Variants in TAFA1 observed in about 807,000 individuals in gnomAD.
TAFA1 encodes chemokine-like protein TAFA-1.
Under a neutral mutation model 18.5 loss-of-function variants are expected in TAFA1, and 4 were observed. The observed-to-expected ratio is 0.22, with a 90% CI of 0.11 to 0.49. The LOEUF (loss-of-function observed/expected upper bound fraction) is 0.49. Ranked by LOEUF, TAFA1 falls within the 20% of genes least tolerant of loss-of-function variation. TAFA1 has a pLI of 0.98. For synonymous variants in TAFA1, 56 were observed against 55.2 expected, an observed-to-expected ratio of 1.01 and a Z score of -0.06; for missense variants, 147 against 169.0, an observed-to-expected ratio of 0.87 and a Z score of 0.72.
At chr3:68,082,587 G>T (rs2064918801) in intron 2 of TAFA1, among the ~76,000 whole-genome samples, 1 of 152,192 alleles carries the variant, frequency 6.6e-6, no homozygotes, top group African/African-American at 2.4e-5. Context: ...TATTTTGGTT[G>T]TTTGAGCACT....
intron 2 of TAFA1, among the ~76,000 whole-genome samples, chr3:68,177,076 G>T (rs534976004): frequency 6.6e-6 from 1 of 152,194 alleles, no homozygotes; most frequent in Non-Finnish European, 1.5e-5. Flanking sequence ...AACTCAGATG[G>T]TGTCAACTGT....
upstream of TAFA1, among the ~76,000 whole-genome samples, chr3:68,001,292 T>C (rs1202893117): frequency 1.3e-5 from 2 of 152,308 alleles, no homozygotes; most frequent in Non-Finnish European, 2.9e-5. Flanking sequence ...TGAGGAATTA[T>C]AGTTGATAAA....
At chr3:68,424,063 AC>A (rs1286788125) in intron 3 of TAFA1, among the ~76,000 whole-genome samples, 1 of 152,072 alleles carries the variant, frequency 6.6e-6, no homozygotes, top group Non-Finnish European at 1.5e-5. Context: ...CAAGTTTAAA[AC>A]AAAACAAAAC....
At chr3:68,159,402 G>A (rs943814898) in intron 2 of TAFA1, among the ~76,000 whole-genome samples, 2 of 152,068 alleles carry the variant, frequency 1.3e-5, no homozygotes, top group Non-Finnish European at 2.9e-5. Flanking sequence ...GACTTTGAGA[G>A]GCAAAACATG....
At chr3:68,281,469 T>C in intron 2 of TAFA1, among the ~76,000 whole-genome samples, 1 of 50,952 alleles carries the variant, frequency 2.0e-5, no homozygotes. Flanking sequence ...ACATTAACCT[T>C]TTTTTTTTTT....
At chr3:68,440,850 C>CGGTG (rs2071362005) in intron 3 of TAFA1, among the ~76,000 whole-genome samples, 2 of 152,188 alleles carry the variant, frequency 1.3e-5, no homozygotes, top group Non-Finnish European at 2.9e-5. Flanking sequence ...CTGTAACCCC[C>CGGTG]TTCTTAGCCT....
At chr3:68,015,420 G>A (rs557887664) in intron 2 of TAFA1, among the ~76,000 whole-genome samples, 1 of 151,924 alleles carries the variant, frequency 6.6e-6, no homozygotes, top group South Asian at 2.1e-4. Context: ...CTGAGTAGCT[G>A]GGACTACAGG....
intron 2 of TAFA1, among the ~76,000 whole-genome samples, chr3:68,298,593 C>T (rs1037881313): frequency 6.6e-6 from 1 of 152,164 alleles, no homozygotes; most frequent in African/African-American, 2.4e-5. Flanking sequence ...AGGGAGAGAC[C>T]AGGTGGAGGT....
the TAFA1 span, among the ~76,000 whole-genome samples, chr3:67,996,966 T>C: frequency 6.6e-6 from 1 of 152,120 alleles, no homozygotes; most frequent in Non-Finnish European, 1.5e-5. Context: ...TGACAGAATC[T>C]ATGGGAGTGT....
intron 2 of TAFA1, among the ~76,000 whole-genome samples, chr3:68,176,705 G>A (rs958691606): frequency 1.3e-4 from 20 of 152,100 alleles, no homozygotes; most frequent in South Asian, 2.1e-4. Context: ...GTGTTTGTTC[G>A]TTTAGACAAT....
chr3:68,440,140 T>A (rs2071347419), intron 3 of TAFA1, among the ~76,000 whole-genome samples: 1 of 152,030 alleles, frequency 6.6e-6, no homozygotes, highest in South Asian at 2.1e-4. Context: ...GGGCAGATCT[T>A]TCCTGCACTG....
intron 3 of TAFA1, among the ~76,000 whole-genome samples, chr3:68,460,518 T>A (rs1167183182): frequency 6.6e-6 from 1 of 152,172 alleles, no homozygotes; most frequent in African/African-American, 2.4e-5. Context: ...ATAAAATCAA[T>A]TGAACTATAT....
chr3:68,021,365 A>G (rs1238304438), intron 2 of TAFA1, among the ~76,000 whole-genome samples: 2 of 152,160 alleles, frequency 1.3e-5, no homozygotes, highest in East Asian at 1.9e-4. Flanking sequence ...TAATTGTGCT[A>G]TAGTTCTATT....
At position 68,477,330 on chromosome 3, in the gene TAFA1, A is replaced by T. The variant is rs190684325; in HGVS notation, c.259+59910A>T. Among the ~76,000 whole-genome samples the T allele has an allele frequency of 4.6e-5, 7 of 152,136 alleles. 1 individual carries two copies. The highest frequency in any genetic ancestry group is 4.6e-4 in the Admixed American group (7 of 15,272). ...AAAATTTACTCTACTTTTGATGGGC[A>T]TTCAAGTAGATTCCAGCTTGGGACT... On this transcript the variant is annotated intron_variant, in intron 3 of 4. Transcript: ENST00000478136.
chr3:68,116,720 T>G (rs904046993), intron 2 of TAFA1, among the ~76,000 whole-genome samples: 2 of 152,166 alleles, frequency 1.3e-5, no homozygotes, highest in African/African-American at 4.8e-5. Flanking sequence ...AAATATAAGC[T>G]TCATGAAAAC....
At chr3:68,372,097 C>A (rs1431190579) in intron 2 of TAFA1, among the ~76,000 whole-genome samples, 1 of 152,136 alleles carries the variant, frequency 6.6e-6, no homozygotes, top group African/African-American at 2.4e-5. Flanking sequence ...AAAGTGCCTC[C>A]TTATTTCTCC....
At chr3:68,300,938 T>C (rs1202925532) in intron 2 of TAFA1, among the ~76,000 whole-genome samples, 1 of 152,182 alleles carries the variant, frequency 6.6e-6, no homozygotes, top group African/African-American at 2.4e-5. Flanking sequence ...TTAAACCTCT[T>C]TCCTTTATAA....
At chr3:68,225,592 A>G (rs1186790936) in intron 2 of TAFA1, among the ~76,000 whole-genome samples, 1 of 152,126 alleles carries the variant, frequency 6.6e-6, no homozygotes, top group South Asian at 2.1e-4. Flanking sequence ...CTGAGCACTT[A>G]CTATGTGCCA....
intron 2 of TAFA1, among the ~76,000 whole-genome samples, chr3:68,066,712 C>T (rs1431279901): frequency 6.6e-6 from 1 of 152,070 alleles, no homozygotes; most frequent in African/African-American, 2.4e-5. Flanking sequence ...CAAGAGAAAA[C>T]CTTCAGGTGA....
Sources: gnomAD v4.1 joint callset for allele counts (sites outside exome capture counted in the v4.1 genomes callset) on GRCh38, gnomAD v4.1.1 for gene constraint, MANE v1.5 for transcripts, NCBI Gene and HGNC (gene_info 2026-07-23, HGNC 2026-07-21) for gene names.